The following ADGRL2 variants were observed in gnomAD, a reference collection of about 807,000 sequenced individuals.
ADGRL2 encodes adhesion G protein-coupled receptor L2.
Under a neutral mutation model 157.4 loss-of-function variants are expected in ADGRL2, and 44 were observed. That is an observed-to-expected ratio of 0.28 (90% CI 0.22 to 0.36). ADGRL2 has a LOEUF of 0.36. Among genes scored for constraint, ADGRL2 ranks in the 10% least tolerant of loss-of-function variants. The pLI is 1.00. For missense variants in ADGRL2, 1,510 were observed against 1,768.9 expected, an observed-to-expected ratio of 0.85 and a Z score of 2.63; for synonymous variants, 585 against 624.7, an observed-to-expected ratio of 0.94 and a Z score of 0.95.
At chr1:81,336,093 C>T (rs1661624220) in intron 1 of ADGRL2, among the ~76,000 whole-genome samples, 1 of 152,196 alleles carries the variant, frequency 6.6e-6, no homozygotes, top group East Asian at 1.9e-4. Flanking sequence ...ATGGCCTTCA[C>T]TTACCATTCT....
At chr1:81,642,926 T>C (rs1391804621) in intron 3 of ADGRL2, among the ~76,000 whole-genome samples, 1 of 152,164 alleles carries the variant, frequency 6.6e-6, no homozygotes, top group Non-Finnish European at 1.5e-5. Context: ...GATAGGAACT[T>C]CTTTAATTTG....
intron 2 of ADGRL2, among the ~76,000 whole-genome samples, chr1:81,784,575 A>C (rs552799751): frequency 1.3e-3 from 192 of 152,198 alleles, no homozygotes; most frequent in African/African-American, 4.4e-3. Context: ...TAAAAATGCA[A>C]AAATTAGCAG....
chr1:81,757,823 G>T (rs1342099907), intron 1 of ADGRL2, among the ~76,000 whole-genome samples: 2 of 152,136 alleles, frequency 1.3e-5, no homozygotes, highest in Non-Finnish European at 2.9e-5. Context: ...CTTTGAAAGG[G>T]CGCAAGCTCC....
chr1:81,584,712 T>C lies in ADGRL2; in HGVS notation c.-143+3732T>C, dbSNP rs1269448897. Among the ~76,000 whole-genome samples the C allele has an allele frequency of 2.0e-5, 3 of 152,122 alleles. No individual in the cohort carries two copies. In the East Asian group the frequency reaches 5.8e-4, roughly 29 times the overall value. ...TCATATAAACTTCAACATAGCACAG[T>C]TGGCAATACAAATTCTGGAGACGGA... On this transcript the variant is annotated intron_variant, in intron 3 of 24. Transcript: ENST00000370721.
chr1:81,786,319 A>G (rs11163375), intron 2 of ADGRL2, among the ~76,000 whole-genome samples: 99,204 of 152,100 alleles, frequency 0.65, 33,018 homozygotes, highest in East Asian at 0.97. Flanking sequence ...GGCTCACGCC[A>G]ATAATCCTAG....
chr1:81,809,420 A>G (rs2089580131), intron 1 of ADGRL2, among the ~76,000 whole-genome samples: 1 of 151,972 alleles, frequency 6.6e-6, no homozygotes, highest in South Asian at 2.1e-4. Context: ...AAATCTGATA[A>G]AAAAAGAGAT....
At chr1:81,673,983 T>C (rs2082931774) in intron 3 of ADGRL2, among the ~76,000 whole-genome samples, 2 of 152,198 alleles carry the variant, frequency 1.3e-5, no homozygotes, top group Non-Finnish European at 2.9e-5. Context: ...ATTGACCTTT[T>C]CAGAAATGAC....
chr1:81,751,243 T>A (rs2085479602), intron 1 of ADGRL2, among the ~76,000 whole-genome samples: 1 of 152,100 alleles, frequency 6.6e-6, no homozygotes. Flanking sequence ...CTGACATATA[T>A]AAATAAATAA....
chr1:81,568,041 G>A (rs556627519), intron 2 of ADGRL2, among the ~76,000 whole-genome samples: 43 of 151,170 alleles, frequency 2.8e-4, no homozygotes, highest in African/African-American at 8.7e-4. Flanking sequence ...TTGGTTGTAC[G>A]TTGAAATACA....
In ADGRL2 at chr1:81,516,832, C is replaced by T. The variant is rs148935529; in HGVS notation, c.-247-64044C>T. 9.7e-3 allele frequency among the ~76,000 whole-genome samples: 1,473 copies of T among 152,058 alleles called. 22 individuals carry two copies. Among genetic ancestry groups the T allele is most frequent in the African/African-American group, 0.034 (1,395 of 41,484 alleles). On this transcript the variant is annotated intron_variant, in intron 2 of 24. Coordinates refer to the ADGRL2 transcript ENST00000370721. ...ACCCCTCCATTCACTAACTTTATGA[C>T]TTCAAGCAAATGACTGGAGCTGCCA... is the stretch of plus-strand genomic sequence containing the variant.
At chr1:81,965,721 T>C (rs1346806106) in intron 11 of ADGRL2, among the ~76,000 whole-genome samples, 1 of 152,226 alleles carries the variant, frequency 6.6e-6, no homozygotes, top group African/African-American at 2.4e-5. Context: ...AGCTTCATGA[T>C]TTAAATATAA....
intron 2 of ADGRL2, among the ~76,000 whole-genome samples, chr1:81,782,488 G>A (rs989363749): frequency 6.6e-6 from 1 of 152,144 alleles, no homozygotes; most frequent in African/African-American, 2.4e-5. Context: ...GAACCTAGCT[G>A]TTAACTAGTA....
At position 81,958,336 on chromosome 1, in the gene ADGRL2, G is replaced by C. The variant is rs1457041363; in HGVS notation, c.2017+2276G>C. Among the ~76,000 whole-genome samples, 5 of 144,152 alleles carry C rather than the reference G, an allele frequency of 3.5e-5. 1 individual carries two copies. The South Asian group carries it at 8.5e-4, about 25-fold the overall frequency. 94.6% of individuals were successfully genotyped at this position (144,152 alleles called of 152,430 possible). The stretch of plus-strand genomic sequence containing the variant: ...CCAAGGTATAAACAATTTTGGGGGT[G>C]GGGGGAAGGGCCCTGATTTACTGTG... On this transcript the variant is annotated intron_variant, in intron 11 of 23. Transcript: ENST00000686636.
Position 81,973,557 on chromosome 1 carries a change from TA to T in ADGRL2, c.3021+1645del, listed in dbSNP as rs1230800684. ...AAGATAAGTACTGACTTTAGATCAT[TA>T]AAAAACATTTCAATTAGCAAAAGAA... On this transcript the variant is annotated intron_variant, in intron 17 of 23. Coordinates refer to ENST00000686636, the MANE Select transcript of ADGRL2 (RefSeq NM_001366006.2). Among the ~76,000 whole-genome samples the T allele has an allele frequency of 3.9e-5, 6 of 152,354 alleles. No homozygotes were observed. In the South Asian group the frequency reaches 1.2e-3, roughly 32 times the overall value.
chr1:81,350,848 T>A (rs528203877), intron 1 of ADGRL2, among the ~76,000 whole-genome samples: 27 of 152,232 alleles, frequency 1.8e-4, no homozygotes, highest in African/African-American at 6.3e-4. Context: ...ATAGCATGGG[T>A]TTTATATTAG....
rs1374694025 is a variant in ADGRL2 at position 81,948,796 on chromosome 1, T to A, written c.1211-1393T>A. ...TGGTCAATAAATTATGCCCTGGAAA[T>A]AAAACACATGCTTTAGAAGTTTCTC... On this transcript the variant is annotated intron_variant, in intron 6 of 23. Transcript: ENST00000686636. Among the ~76,000 whole-genome samples the A allele has an allele frequency of 3.9e-5, 6 of 152,200 alleles. No individual in the cohort carries two copies. In the South Asian group the frequency reaches 8.3e-4, roughly 21 times the overall value.
At chr1:81,452,349 C>T (rs1214414951) in intron 2 of ADGRL2, among the ~76,000 whole-genome samples, 1 of 152,106 alleles carries the variant, frequency 6.6e-6, no homozygotes, top group Non-Finnish European at 1.5e-5. Context: ...ACCAATTTTT[C>T]CCCACAAAAG....
At chr1:81,592,949 T>C (rs1322860972) in intron 3 of ADGRL2, among the ~76,000 whole-genome samples, 2 of 152,164 alleles carry the variant, frequency 1.3e-5, no homozygotes, top group African/African-American at 4.8e-5. Flanking sequence ...TACTTTCCTA[T>C]TCCTTCTTTG....
At chr1:81,556,994 C>T in intron 2 of ADGRL2, 1 of 162,386 alleles carries the variant, frequency 6.2e-6, no homozygotes, top group East Asian at 2.0e-4. Context: ...CAGAGAATTG[C>T]TTGAACCGGG....
Sources: allele counts gnomAD v4.1 joint callset (sites outside exome capture counted in the v4.1 genomes callset), GRCh38; gene constraint gnomAD v4.1.1; transcripts MANE v1.5; gene names NCBI Gene and HGNC (gene_info 2026-07-23, HGNC 2026-07-21).